The following PTPRT variants were observed in gnomAD, a reference collection of about 807,000 sequenced individuals.
PTPRT encodes protein tyrosine phosphatase receptor type T.
PTPRT carries 56 observed loss-of-function variants against 176.8 expected under a neutral mutation model. That is an observed-to-expected ratio of 0.32 (90% CI 0.26 to 0.40). The LOEUF (loss-of-function observed/expected upper bound fraction) is 0.40. Ranked by LOEUF, PTPRT falls within the 10% of genes least tolerant of loss-of-function variation. The pLI is 1.00. For synonymous variants in PTPRT, 783 were observed against 739.0 expected (o/e 1.06, Z -0.96); for missense variants, 1,540 against 1,908.2 (o/e 0.81, Z 3.60).
intron 9 of PTPRT, among the ~76,000 whole-genome samples, chr20:42,356,976 C>T (rs1053697037): frequency 5.4e-4 from 82 of 152,232 alleles, no homozygotes; most frequent in African/African-American, 1.7e-3. Context: ...TCACCCTTAG[C>T]GGACCTCACT....
At chr20:42,655,372 T>G (rs1428204661) in intron 7 of PTPRT, among the ~76,000 whole-genome samples, 1 of 152,112 alleles carries the variant, frequency 6.6e-6, no homozygotes, top group Non-Finnish European at 1.5e-5. Flanking sequence ...ACCCCTGTAA[T>G]CTCAGCTACT....
intron 1 of PTPRT, among the ~76,000 whole-genome samples, chr20:42,904,794 C>A (rs995355835): frequency 3.3e-5 from 5 of 152,074 alleles, no homozygotes; most frequent in African/African-American, 1.2e-4. Context: ...TTTGACAAAC[C>A]TGACAGAAAC....
intron 9 of PTPRT, among the ~76,000 whole-genome samples, chr20:42,378,748 C>T (rs1049801415): frequency 2.0e-5 from 3 of 152,158 alleles, no homozygotes; most frequent in Admixed American, 2.0e-4. Flanking sequence ...TTATGACCTG[C>T]AAATTATTTA....
At chr20:43,049,627 T>A (rs1290387590) in intron 1 of PTPRT, among the ~76,000 whole-genome samples, 1 of 152,250 alleles carries the variant, frequency 6.6e-6, no homozygotes. Context: ...AAGTGCAGAC[T>A]GGCTTTGTGT....
chr20:42,490,888 T>C (rs760455188), intron 7 of PTPRT, among the ~76,000 whole-genome samples: 3 of 152,192 alleles, frequency 2.0e-5, no homozygotes, highest in Non-Finnish European at 4.4e-5. Context: ...AAAATAATCA[T>C]AAATTGGTGA....
At chr20:42,542,693 A>AC (rs2072605158) in intron 7 of PTPRT, among the ~76,000 whole-genome samples, 1 of 152,228 alleles carries the variant, frequency 6.6e-6, no homozygotes, top group Admixed American at 6.5e-5. Flanking sequence ...ATACTCACAC[A>AC]TGCATGAAAT....
At chr20:43,017,725 C>T (rs1473348741) in intron 1 of PTPRT, among the ~76,000 whole-genome samples, 2 of 152,194 alleles carry the variant, frequency 1.3e-5, no homozygotes, top group Admixed American at 6.5e-5. Flanking sequence ...TCCAAATCTG[C>T]ACCATCTGCC....
chr20:42,559,415 C>G (rs990334895), intron 7 of PTPRT, among the ~76,000 whole-genome samples: 4 of 152,198 alleles, frequency 2.6e-5, no homozygotes, highest in Non-Finnish European at 5.9e-5. Flanking sequence ...CTGGCACCCA[C>G]TAGGTGAGCA....
chr20:43,173,387 C>A (rs1490492943), intron 1 of PTPRT, among the ~76,000 whole-genome samples: 1 of 152,238 alleles, frequency 6.6e-6, no homozygotes, highest in African/African-American at 2.4e-5. Context: ...GCCCTTATAT[C>A]TCAGAATCAG....
At chr20:42,294,768 C>G (rs1376747181) in intron 12 of PTPRT, among the ~76,000 whole-genome samples, 3 of 151,672 alleles carry the variant, frequency 2.0e-5, no homozygotes, top group African/African-American at 7.3e-5. Flanking sequence ...AAGTGAAAAA[C>G]CAAAATATAC....
intron 20 of PTPRT, among the ~76,000 whole-genome samples, chr20:42,119,012 GGAAAAAAAAAAAAAAA>G (rs1356110164): frequency 6.9e-5 from 2 of 29,178 alleles, no homozygotes; most frequent in African/African-American, 1.6e-4. Flanking sequence ...CAGAAAGGAA[GGAAAAAAAAAAAAAAA>G]AAAAAAAAAA....
chr20:43,159,165 C>T (rs2014613330), intron 1 of PTPRT, among the ~76,000 whole-genome samples: 1 of 152,200 alleles, frequency 6.6e-6, no homozygotes, highest in African/African-American at 2.4e-5. Flanking sequence ...CCAGGGCACC[C>T]TGACATCCAG....
chr20:42,701,724 T>C (rs929045706), intron 6 of PTPRT, among the ~76,000 whole-genome samples: 6 of 152,038 alleles, frequency 3.9e-5, no homozygotes, highest in Non-Finnish European at 8.8e-5. Flanking sequence ...GAATGTGGTG[T>C]CCCAGGGAAA....
chr20:42,293,771 G>A (rs1026897862), intron 12 of PTPRT, among the ~76,000 whole-genome samples: 4 of 152,072 alleles, frequency 2.6e-5, no homozygotes, highest in Non-Finnish European at 4.4e-5. Flanking sequence ...AATTTTCCAT[G>A]TTTAAATAAA....
chr20:42,052,448 T>C, the PTPRT span, among the ~76,000 whole-genome samples: 1 of 152,250 alleles, frequency 6.6e-6, no homozygotes. Context: ...TGTTTGTGTT[T>C]TGAAGCATTT....
intron 15 of PTPRT, among the ~76,000 whole-genome samples, chr20:42,221,903 A>T (rs529570274): frequency 6.6e-6 from 1 of 152,198 alleles, no homozygotes; most frequent in African/African-American, 2.4e-5. Context: ...CACCCCCAAG[A>T]TCCAGTCAGC....
chr20:42,761,589 A>G (rs1000533205), intron 5 of PTPRT, among the ~76,000 whole-genome samples: 6 of 152,258 alleles, frequency 3.9e-5, no homozygotes, highest in African/African-American at 1.2e-4. Context: ...AAAGTGTGAG[A>G]TAAGTCCTAC....
At chr20:42,138,135 A>C (rs1015869510) in intron 18 of PTPRT, among the ~76,000 whole-genome samples, 4 of 152,230 alleles carry the variant, frequency 2.6e-5, no homozygotes, top group Non-Finnish European at 5.9e-5. Context: ...GGAGCCCAAG[A>C]ATTAGCACCT....
intron 1 of PTPRT, among the ~76,000 whole-genome samples, chr20:43,085,310 T>G (rs908056230): frequency 2.6e-5 from 4 of 152,192 alleles, no homozygotes; most frequent in Admixed American, 1.3e-4. Flanking sequence ...ACAAGGTGTA[T>G]GGCATTCAAG....
Sources: gnomAD v4.1 joint callset for allele counts (sites outside exome capture counted in the v4.1 genomes callset) on GRCh38, gnomAD v4.1.1 for gene constraint, MANE v1.5 for transcripts, NCBI Gene and HGNC (gene_info 2026-07-23, HGNC 2026-07-21) for gene names.